Variants in SNX8 observed in about 807,000 individuals in gnomAD.
SNX8 encodes the protein sorting nexin-8.
In SNX8, 25 loss-of-function variants were observed where a neutral mutation model predicts 51.6. The ratio of observed to expected loss-of-function variants is 0.48; its 90% confidence interval spans 0.35 to 0.68. The LOEUF is 0.68. Among genes scored for constraint, SNX8 ranks in the 30% least tolerant of loss-of-function variants. The pLI is 0.00. For synonymous variants in SNX8, 324 were observed against 277.0 expected, an observed-to-expected ratio of 1.17 and a Z score of -1.68; for missense variants, 695 against 624.0, an observed-to-expected ratio of 1.11 and a Z score of -1.21.
intron 1 of SNX8, among the ~76,000 whole-genome samples, chr7:2,283,056 G>C (rs1356016243): frequency 1.3e-5 from 2 of 151,904 alleles, no homozygotes; most frequent in Non-Finnish European, 2.9e-5. Context: ...GGGAGGCGGA[G>C]CTTGCAGTGA....
chr7:2,293,317 T>C (rs558159501), intron 1 of SNX8, among the ~76,000 whole-genome samples: 5 of 151,204 alleles, frequency 3.3e-5, no homozygotes, highest in South Asian at 2.1e-4. Context: ...AAAATTTGAA[T>C]AGTCATTTAT....
At chr7:2,321,352 T>A (rs981822119) in intron 1 of SNX8, among the ~76,000 whole-genome samples, 1 of 152,174 alleles carries the variant, frequency 6.6e-6, no homozygotes. Context: ...CACCGACACG[T>A]CTGCCTTCAG....
intron 1 of SNX8, among the ~76,000 whole-genome samples, chr7:2,335,532 G>T (rs1778811195): frequency 6.6e-6 from 1 of 152,184 alleles, no homozygotes; most frequent in Non-Finnish European, 1.5e-5. Flanking sequence ...GCCAGGCGCG[G>T]TGGCTCACGC....
chr7:2,338,759 T>G (rs1389189922), intron 1 of SNX8, among the ~76,000 whole-genome samples: 3 of 152,104 alleles, frequency 2.0e-5, no homozygotes, highest in Non-Finnish European at 4.4e-5. Context: ...AGCAGGATTT[T>G]TTGATTCAAG....
rs764434154 is a variant in SNX8 at position 2,254,552 on chromosome 7, G to A, written c.*504C>T. On this transcript the variant is annotated 3_prime_UTR_variant, in exon 11 of 11. Transcript: ENST00000222990. ...CAGCAATTTCCCTAGAAAATTCACC[G>A]TGCGTGCCCCACGCCCAATGGCCCT... The A allele has an allele frequency of 6.3e-5, 11 of 174,972 alleles. No homozygotes were observed. In the East Asian group the frequency reaches 7.2e-4, roughly 11 times the overall value. The allele number at this position is 174,972 out of a possible 1,614,324, so 10.8% of individuals were successfully genotyped here. A position where few individuals can be genotyped will look rare whatever the true frequency, so the allele number is the denominator to read the frequency against.
intron 1 of SNX8, among the ~76,000 whole-genome samples, chr7:2,330,117 C>T (rs1400657551): frequency 2.0e-5 from 3 of 147,548 alleles, no homozygotes; most frequent in African/African-American, 5.0e-5. Context: ...AGGCATGAGC[C>T]ACTGCGCCCG....
At chr7:2,318,589 G>A (rs1182978613), upstream of SNX8, among the ~76,000 whole-genome samples, 14 of 151,888 alleles carry the variant, frequency 9.2e-5, no homozygotes, top group Admixed American at 1.3e-4. Context: ...CCAGCTACTC[G>A]GGAGGCTGAG....
In SNX8 at chr7:2,271,857, C is replaced by A; in HGVS notation, c.533G>T (p.Ser178Ile). Reference protein sequence around the residue: ...DVVLKLFLSFSGSDVQNKLKE... With the variant: ...DVVLKLFLSFIGSDVQNKLKE... ...CAGGGCAGACACACTCACCGAGCCG[C>A]TGAAGGACAGGAAGAGCTTGAGGAC... Residue 178 changes from serine (S) to isoleucine (I), a missense_variant, in exon 4 of 11, where the codon AGC (serine) becomes ATC (isoleucine). By Grantham distance (142) the Ser-to-Ile change is moderately radical. Coordinates refer to ENST00000222990, the MANE Select transcript of SNX8 (RefSeq NM_013321.4). 1 of 1,608,922 alleles carries A rather than the reference C, an allele frequency of 6.2e-7. No individual in the cohort carries two copies. Among genetic ancestry groups the A allele is most frequent in the Non-Finnish European group, 8.5e-7 (1 of 1,177,860 alleles).
chr7:2,298,989 G>A (rs1419459628), intron 1 of SNX8, among the ~76,000 whole-genome samples: 1 of 152,060 alleles, frequency 6.6e-6, no homozygotes, highest in Non-Finnish European at 1.5e-5. Flanking sequence ...CACCATGCCT[G>A]GTCTGAGCTT....
At chr7:2,281,682 G>C (rs1795909387) in intron 1 of SNX8, among the ~76,000 whole-genome samples, 1 of 152,112 alleles carries the variant, frequency 6.6e-6, no homozygotes, top group Non-Finnish European at 1.5e-5. Context: ...GATGAGATGA[G>C]GGAGGCCAGC....
At chr7:2,338,454 T>C (rs1261505949) in intron 1 of SNX8, among the ~76,000 whole-genome samples, 1 of 137,188 alleles carries the variant, frequency 7.3e-6, no homozygotes, top group Non-Finnish European at 1.6e-5. Flanking sequence ...AGAGAGAGAC[T>C]GTGTCTCAAA....
At chr7:2,302,995 C>T (rs1161786638) in intron 1 of SNX8, among the ~76,000 whole-genome samples, 8 of 152,002 alleles carry the variant, frequency 5.3e-5, no homozygotes, top group East Asian at 1.9e-4. Flanking sequence ...GCAGCCACCC[C>T]GTCCGGGACA....
intron 1 of SNX8, among the ~76,000 whole-genome samples, chr7:2,346,255 C>CCA (rs377656571): frequency 0.8 from 121,664 of 151,830 alleles, 48,938 homozygotes; most frequent in African/African-American, 0.86. Context: ...AGTTTGAGCT[C>CCA]ACATAGTGAG....
At chr7:2,286,321 T>C (rs758846864) in intron 1 of SNX8, among the ~76,000 whole-genome samples, 14 of 152,024 alleles carry the variant, frequency 9.2e-5, no homozygotes, top group Non-Finnish European at 1.6e-4. Context: ...CTAGGTCGTA[T>C]ACTTTAAACA....
At chr7:2,319,164 C>T (rs1796797405), upstream of SNX8, among the ~76,000 whole-genome samples, 1 of 151,124 alleles carries the variant, frequency 6.6e-6, no homozygotes, top group Non-Finnish European at 1.5e-5. Context: ...CACAGGGAAA[C>T]TCCGTCTCCA....
Position 2,255,116 on chromosome 7 carries a change from TC to T in SNX8, c.1337del (p.Gly446AspfsTer6). ...LRPKLSCLFA[G>X]PHSTLTPPCS... Reference sequence around the variant, plus strand: ...ACGGTGGGGTCAGGGTGCTGTGTGGTCCCGCAAAGAGGCAGCTGAGCTTGGG... The same window carrying T: ...ACGGTGGGGTCAGGGTGCTGTGTGGTCCGCAAAGAGGCAGCTGAGCTTGGG... On this transcript the variant is annotated frameshift_variant, in exon 11 of 11. Transcript: ENST00000222990. LOFTEE classifies it high-confidence loss of function. The T allele has an allele frequency of 6.3e-7, 1 of 1,580,302 alleles. No individual in the cohort carries two copies. Among genetic ancestry groups the T allele is most frequent in the East Asian group, 2.3e-5 (1 of 42,994 alleles).
In SNX8 at chr7:2,256,989, T is replaced by C. The variant is rs1795200621; in HGVS notation, c.1169A>G (p.Asn390Ser). The change falls in exon 10 of 11, where the codon AAC becomes AGC. Residue 390 changes from asparagine (N) to serine (S), a missense_variant. Physicochemically the swap from Asn to Ser is conservative, Grantham distance 46 (BLOSUM62 1). Transcript: ENST00000222990. ...GTGCAGGCAGTACAGGGAGAAGTAG[T>C]TCCGCAGCTCCATCGTCTGAATCGC... is the stretch of plus-strand genomic sequence containing the variant. ...ENAIQTMELR[N>S]YFSLYCLHQE... 4 of 1,612,240 alleles carry C rather than the reference T, an allele frequency of 2.5e-6. No individual in the cohort carries two copies. Among genetic ancestry groups the C allele is most frequent in the African/African-American group, 2.7e-5 (2 of 75,016 alleles).
chr7:2,263,855 G>A (rs1032945053), intron 6 of SNX8, among the ~76,000 whole-genome samples: 2 of 152,140 alleles, frequency 1.3e-5, no homozygotes, highest in African/African-American at 4.8e-5. Context: ...TGAGATGACA[G>A]GCACCCGCCA....
chr7:2,319,341 C>CA (rs905610976), upstream of SNX8, among the ~76,000 whole-genome samples: 4 of 144,094 alleles, frequency 2.8e-5, no homozygotes, highest in African/African-American at 5.2e-5. Context: ...GACCCTGCCT[C>CA]AAAAAAAATA....
Sources: gnomAD v4.1 joint callset for allele counts (sites outside exome capture counted in the v4.1 genomes callset) on GRCh38, gnomAD v4.1.1 for gene constraint, MANE v1.5 for transcripts, NCBI Gene and HGNC (gene_info 2026-07-23, HGNC 2026-07-21) for gene names.